GPR137B: variants seen among roughly 807,000 people sequenced by gnomAD.
The protein encoded by GPR137B is G protein-coupled receptor 137B.
GPR137B carries 42 observed loss-of-function variants against 42.5 expected under a neutral mutation model. The ratio of observed to expected loss-of-function variants is 0.99; its 90% confidence interval spans 0.77 to 1.28. The LOEUF (loss-of-function observed/expected upper bound fraction) is 1.28, where lower values mean the gene tolerates loss of function less well. Ranked by LOEUF, GPR137B falls within the 50% of genes most tolerant of loss-of-function variation. GPR137B has a pLI of 0.00. For missense variants in GPR137B, 487 were observed against 493.9 expected, an observed-to-expected ratio of 0.99 and a Z score of 0.13; for synonymous variants, 218 against 209.7, an observed-to-expected ratio of 1.04 and a Z score of -0.34.
At chr1:236,196,283 G>A (rs2102922375) in intron 5 of GPR137B, among the ~76,000 whole-genome samples, 1 of 152,090 alleles carries the variant, frequency 6.6e-6, no homozygotes, top group South Asian at 2.1e-4. Context: ...GGGACTACAG[G>A]CATGAGCTAC....
At chr1:236,207,459 CCT>C (rs1434653578) in intron 6 of GPR137B, among the ~76,000 whole-genome samples, 2 of 152,158 alleles carry the variant, frequency 1.3e-5, no homozygotes, top group Non-Finnish European at 2.9e-5. Context: ...GCTGTCCCAC[CCT>C]CTCACCTGCC....
intron 5 of GPR137B, among the ~76,000 whole-genome samples, chr1:236,188,440 A>G (rs1663095030): frequency 6.6e-6 from 1 of 152,124 alleles, no homozygotes; most frequent in South Asian, 2.1e-4. Context: ...CCCATTCAGT[A>G]TGGTATTGGC....
At chr1:236,194,298 G>A (rs557104310) in intron 5 of GPR137B, among the ~76,000 whole-genome samples, 2 of 152,180 alleles carry the variant, frequency 1.3e-5, no homozygotes, top group African/African-American at 4.8e-5. Flanking sequence ...GAGTTTTGTA[G>A]TTTTTGTTCT....
intron 5 of GPR137B, among the ~76,000 whole-genome samples, chr1:236,194,206 G>A (rs1220575322): frequency 6.7e-6 from 1 of 148,482 alleles, no homozygotes; most frequent in East Asian, 2.0e-4. Context: ...CTTACAATGA[G>A]TTTATCAGAA....
chr1:236,155,777 G>A lies in GPR137B; in HGVS notation c.414+12741G>A, dbSNP rs557025814. 3.2e-4 allele frequency among the ~76,000 whole-genome samples: 49 copies of A among 152,278 alleles called. No homozygotes were observed. The highest frequency in any genetic ancestry group is 5.9e-4 in the Admixed American group (9 of 15,302). ...GCTGGGAACAGGAAGGAGAAGAGGA[G>A]CTGTTGGGAAGGGGGACAGTGAGTG... On this transcript the variant is annotated intron_variant, in intron 1 of 6. Coordinates refer to ENST00000366592, the MANE Select transcript of GPR137B (RefSeq NM_003272.4). This position sits in a 1 kb window ranked among gnomAD's most constrained non-coding sequence, Gnocchi z 4.6.
chr1:236,204,529 C>T (rs1663596342), intron 5 of GPR137B, among the ~76,000 whole-genome samples: 1 of 152,094 alleles, frequency 6.6e-6, no homozygotes, highest in South Asian at 2.1e-4. Flanking sequence ...GGGTCCCAGG[C>T]TTTTCTTTAC....
intron 4 of GPR137B, 132 bp downstream of exon 4, chr1:236,180,160 C>T (rs1662827216): frequency 1.4e-6 from 1 of 701,804 alleles, no homozygotes; most frequent in Non-Finnish European, 2.6e-6. Context: ...GTAGTATCTG[C>T]ATATAACCTA....
At chr1:236,203,731 CTTCT>C (rs1451363452) in intron 5 of GPR137B, among the ~76,000 whole-genome samples, 3 of 152,102 alleles carry the variant, frequency 2.0e-5, no homozygotes, top group African/African-American at 7.2e-5. Context: ...AGCTCTTTCA[CTTCT>C]TTGTTTAATT....
In GPR137B at chr1:236,183,899, A is replaced by G. The variant is rs1298416786; in HGVS notation, c.959A>G (p.Lys320Arg). The change falls in exon 5 of 7, where the codon AAG becomes AGG. Residue 320 changes from lysine (K) to arginine (R), a missense_variant. Transcript: ENST00000366592. Reference sequence around the variant, plus strand: ...TTCTTCCGAGTTAGAAATCCTACAAAGGACCTTGTAAGTAAACCATTTTAC... The same window carrying G: ...TTCTTCCGAGTTAGAAATCCTACAAGGGACCTTGTAAGTAAACCATTTTAC... ...VYFFRVRNPT[K>R]DLTNPGMVPS... is the part of the protein sequence containing the mutation. The G allele has an allele frequency of 6.2e-7, 1 of 1,608,408 alleles. No individual in the cohort carries two copies. Among genetic ancestry groups the G allele is most frequent in the Non-Finnish European group, 8.5e-7 (1 of 1,175,438 alleles).
chr1:236,153,440 A>G (rs146652554), intron 1 of GPR137B, among the ~76,000 whole-genome samples: 13 of 152,362 alleles, frequency 8.5e-5, no homozygotes, highest in African/African-American at 3.1e-4. Context: ...ACATTGTAAC[A>G]TTTATCAGAA....
In GPR137B at chr1:236,194,381, T is replaced by C. The variant is rs147921125; in HGVS notation, c.966+10475T>C. On this transcript the variant is annotated intron_variant, in intron 5 of 6. Transcript: ENST00000366592. ...GAGATAAGGATCCAACTTCATTCTT[T>C]TGCGCGTGGCTCATAGGTATTCTTA... Among the ~76,000 whole-genome samples, 37 of 152,314 alleles carry C rather than the reference T, an allele frequency of 2.4e-4. 1 individual carries two copies. In the East Asian group the frequency reaches 7.1e-3, roughly 29 times the overall value.
rs112449694 is a variant in GPR137B at position 236,207,609 on chromosome 1, C to G, written c.1092-441C>G. On this transcript the variant is annotated intron_variant, in intron 6 of 6. Coordinates refer to ENST00000366592, the MANE Select transcript of GPR137B (RefSeq NM_003272.4). ...AATTAACTATATATTAGACACTGTT[C>G]TAAGCACTTTACAGATGTTAACTCA... is the stretch of plus-strand genomic sequence containing the variant. 6.0e-4 allele frequency among the ~76,000 whole-genome samples: 92 copies of G among 152,326 alleles called. 1 individual carries two copies. The highest frequency in any genetic ancestry group is 2.1e-3 in the African/African-American group (88 of 41,568).
At chr1:236,191,983 C>G (rs1663203201) in intron 5 of GPR137B, among the ~76,000 whole-genome samples, 1 of 152,224 alleles carries the variant, frequency 6.6e-6, no homozygotes, top group Non-Finnish European at 1.5e-5. Flanking sequence ...ATCTATAAGT[C>G]CCTGACTGGG....
chr1:236,175,004 T>C (rs970073855), intron 2 of GPR137B, among the ~76,000 whole-genome samples: 5 of 152,058 alleles, frequency 3.3e-5, no homozygotes, highest in Admixed American at 6.6e-5. Flanking sequence ...AAGTCATGAT[T>C]GAAGCTACAG....
intron 6 of GPR137B, among the ~76,000 whole-genome samples, chr1:236,206,743 C>A (rs762723037): frequency 1.9e-4 from 29 of 152,186 alleles, no homozygotes; most frequent in Non-Finnish European, 3.2e-4. Context: ...ATTCCCTTCC[C>A]TTTTCCTCAG....
chr1:236,154,273 G>A (rs1229723758), intron 1 of GPR137B, among the ~76,000 whole-genome samples: 1 of 140,914 alleles, frequency 7.1e-6, no homozygotes, highest in East Asian at 2.3e-4. Context: ...GGATGGAAGG[G>A]TGGTGCTGGG....
chr1:236,164,469 G>A (rs938228593), intron 1 of GPR137B, among the ~76,000 whole-genome samples: 2 of 152,186 alleles, frequency 1.3e-5, no homozygotes, highest in Non-Finnish European at 2.9e-5. Context: ...TTCCTGCCAA[G>A]GTCAGTGGGA....
At chr1:236,151,016 C>T (rs140849219) in intron 1 of GPR137B, among the ~76,000 whole-genome samples, 44 of 152,312 alleles carry the variant, frequency 2.9e-4, no homozygotes, top group Non-Finnish European at 4.3e-4. Context: ...TCACTGCAAG[C>T]GTCTTAGGGT....
chr1:236,151,770 G>A (rs10924380), intron 1 of GPR137B, among the ~76,000 whole-genome samples: 34,855 of 151,896 alleles, frequency 0.23, 4,503 homozygotes, highest in East Asian at 0.42. Context: ...GCTGAGCTAC[G>A]CAGTCTGCAA....
Sources: gnomAD v4.1 joint callset for allele counts (sites outside exome capture counted in the v4.1 genomes callset) on GRCh38, gnomAD v4.1.1 for gene constraint, Gnocchi (gnomAD v3.1) non-coding constraint, MANE v1.5 for transcripts, NCBI Gene and HGNC (gene_info 2026-07-23, HGNC 2026-07-21) for gene names.